The following ST7 variants were observed in gnomAD, a reference collection of about 807,000 sequenced individuals.
ST7 encodes the protein suppression of tumorigenicity 7.
ST7 carries 28 observed loss-of-function variants against 78.7 expected under a neutral mutation model. That is an observed-to-expected ratio of 0.36 (90% CI 0.26 to 0.49). ST7 has a LOEUF of 0.49. Ranked by LOEUF, ST7 falls within the 20% of genes least tolerant of loss-of-function variation. ST7 has a pLI of 0.99. For missense variants in ST7, 418 were observed against 696.0 expected, an observed-to-expected ratio of 0.60 and a Z score of 4.49; for synonymous variants, 247 against 249.6, an observed-to-expected ratio of 0.99 and a Z score of 0.10.
intron 9 of ST7, among the ~76,000 whole-genome samples, chr7:117,141,092 G>A (rs1805252437): frequency 1.3e-5 from 2 of 152,160 alleles, no homozygotes; most frequent in South Asian, 2.1e-4. Flanking sequence ...AAACCATTTT[G>A]CTGGAAGACT....
intron 15 of ST7, among the ~76,000 whole-genome samples, chr7:117,224,687 C>T (rs1366074795): frequency 6.6e-6 from 1 of 152,144 alleles, no homozygotes; most frequent in Non-Finnish European, 1.5e-5. Flanking sequence ...TCTATATATT[C>T]ACCTGGCCGC....
chr7:117,077,395 C>CA (rs1799429543), intron 1 of ST7, among the ~76,000 whole-genome samples: 1 of 152,196 alleles, frequency 6.6e-6, no homozygotes, highest in Admixed American at 6.5e-5. Flanking sequence ...CTCCTGTCCC[C>CA]ATCATCAGGA....
In ST7 at chr7:117,209,830, T is replaced by C. The variant is rs187712714; in HGVS notation, c.1298T>C (p.Ile433Thr). ...MKSLILPPEH[I>T]LKRGDSEAIA... ...AGCTTAATCCTACCCCCAGAACATA[T>C]CCTGAAGAGAGGAGACAGTGAAGCA... The change falls in exon 13 of 16, where the codon ATC becomes ACC. Residue 433 changes from isoleucine (I) to threonine (T), a missense_variant. Ile to Thr is a moderately conservative substitution (Grantham distance 89). This residue lies in a region of ST7 where 288 missense variants were observed against 537.1 expected (regional missense o/e 0.54). Transcript: ENST00000323984. 3 of 1,614,030 alleles carry C rather than the reference T, an allele frequency of 1.9e-6. No individual in the cohort carries two copies. The African/African-American group carries it at 4.0e-5, about 22-fold the overall frequency.
intron 1 of ST7, among the ~76,000 whole-genome samples, chr7:117,077,892 C>G (rs1273783794): frequency 6.9e-6 from 1 of 144,604 alleles, no homozygotes; most frequent in Non-Finnish European, 1.5e-5. Flanking sequence ...GTCCCCCAGG[C>G]TGGAATGTGA....
At chr7:117,087,251 G>A (rs867081915) in intron 1 of ST7, among the ~76,000 whole-genome samples, 8 of 152,084 alleles carry the variant, frequency 5.3e-5, no homozygotes, top group Non-Finnish European at 1.0e-4. Context: ...TCAAAACAAA[G>A]CAAGTAGATT....
chr7:117,015,122 AT>A, intron 1 of ST7: 2 of 535,754 alleles, frequency 3.7e-6, no homozygotes, highest in Non-Finnish European at 2.8e-6. Context: ...CTTTAAAAAT[AT>A]TGTGCATCAG....
At chr7:117,151,027 A>G (rs1449237966) in intron 9 of ST7, among the ~76,000 whole-genome samples, 1 of 152,158 alleles carries the variant, frequency 6.6e-6, no homozygotes, top group Non-Finnish European at 1.5e-5. Flanking sequence ...CAGTCTAGTC[A>G]CTTCTTCCAA....
intron 1 of ST7, among the ~76,000 whole-genome samples, chr7:117,071,819 A>C (rs187822619): frequency 6.2e-4 from 94 of 152,382 alleles, no homozygotes; most frequent in Non-Finnish European, 6.9e-4. Context: ...GAGGCAGATC[A>C]TACAAAACTC....
At chr7:117,159,576 G>A (rs566863147) in intron 9 of ST7, among the ~76,000 whole-genome samples, 1 of 152,274 alleles carries the variant, frequency 6.6e-6, no homozygotes, top group East Asian at 1.9e-4. Flanking sequence ...TAGAAAACAG[G>A]CCTTTATCAT....
intron 1 of ST7, among the ~76,000 whole-genome samples, chr7:116,984,705 C>T (rs1794117188): frequency 6.6e-6 from 1 of 152,072 alleles, no homozygotes; most frequent in African/African-American, 2.4e-5. Context: ...AAATGAGATA[C>T]AACATATGTA....
At chr7:116,984,384 A>G (rs1305619069) in intron 1 of ST7, among the ~76,000 whole-genome samples, 1 of 152,238 alleles carries the variant, frequency 6.6e-6, no homozygotes, top group African/African-American at 2.4e-5. Context: ...AGATGGCAGC[A>G]GTCTGGTTAA....
intron 1 of ST7, among the ~76,000 whole-genome samples, chr7:116,962,669 G>A (rs1297495651): frequency 6.6e-6 from 1 of 152,158 alleles, no homozygotes; most frequent in East Asian, 1.9e-4. Context: ...TAAGTTCCTT[G>A]TAGATTCTGG....
chr7:117,044,006 G>GACTT (rs769262625), intron 1 of ST7, among the ~76,000 whole-genome samples: 16 of 152,184 alleles, frequency 1.1e-4, no homozygotes, highest in Non-Finnish European at 2.1e-4. Context: ...CTAAGACCAG[G>GACTT]ACTTACTCTG....
intron 1 of ST7, among the ~76,000 whole-genome samples, chr7:117,066,744 G>C (rs1399116175): frequency 1.5e-5 from 2 of 129,944 alleles, no homozygotes; most frequent in East Asian, 2.3e-4. Flanking sequence ...CTGGGCAACA[G>C]AGTGAGACTG....
At chr7:116,964,729 C>A (rs1315362378) in intron 1 of ST7, among the ~76,000 whole-genome samples, 4 of 152,024 alleles carry the variant, frequency 2.6e-5, no homozygotes, top group Non-Finnish European at 5.9e-5. Flanking sequence ...TTAAATTGTA[C>A]CCTTACATTT....
intron 10 of ST7, among the ~76,000 whole-genome samples, chr7:117,179,159 TAAC>T (rs1808558421): frequency 6.6e-6 from 1 of 152,198 alleles, no homozygotes; most frequent in South Asian, 2.1e-4. Flanking sequence ...TGTTGAGAAA[TAAC>T]AAGTTTCTGA....
intron 12 of ST7, among the ~76,000 whole-genome samples, chr7:117,198,014 T>C (rs563079284): frequency 6.6e-6 from 1 of 152,328 alleles, no homozygotes; most frequent in South Asian, 2.1e-4. Context: ...ATTGTGCTGC[T>C]GCACCACAGC....
chr7:117,074,322 C>T (rs1476471779), intron 1 of ST7, among the ~76,000 whole-genome samples: 3 of 152,080 alleles, frequency 2.0e-5, no homozygotes, highest in East Asian at 1.9e-4. Context: ...ACCCAGGAGG[C>T]GGAGGTTGCA....
At chr7:117,080,695 A>G (rs1052080064) in intron 1 of ST7, among the ~76,000 whole-genome samples, 2 of 152,178 alleles carry the variant, frequency 1.3e-5, no homozygotes, top group African/African-American at 4.8e-5. Flanking sequence ...GATTTTCAGA[A>G]TGACTTCAGC....
Sources: gnomAD v4.1 joint callset for allele counts (sites outside exome capture counted in the v4.1 genomes callset) on GRCh38, gnomAD v4.1.1 for gene constraint, gnomAD v4.1.1 regional missense constraint, MANE v1.5 for transcripts, NCBI Gene and HGNC (gene_info 2026-07-23, HGNC 2026-07-21) for gene names.